Variants in SLA observed in about 807,000 individuals in gnomAD.
The protein encoded by SLA is Src like adaptor, also known as src-like-adapter.
A neutral mutation model predicts 30.3 loss-of-function variants in SLA; 16 were observed. That is an observed-to-expected ratio of 0.53 (90% CI 0.36 to 0.80). The LOEUF (loss-of-function observed/expected upper bound fraction) is 0.80. Among genes scored for constraint, SLA ranks in the 30% least tolerant of loss-of-function variants. The pLI, the probability that SLA is intolerant of heterozygous loss-of-function variation, is 0.01. For synonymous variants in SLA, 143 were observed against 137.8 expected (o/e 1.04, Z -0.26); for missense variants, 310 against 345.2 (o/e 0.90, Z 0.81).
chr8:133,042,512 C>T (rs188669407), intron 7 of SLA, among the ~76,000 whole-genome samples: 1 of 152,006 alleles, frequency 6.6e-6, no homozygotes, highest in Admixed American at 6.6e-5. Flanking sequence ...GGACTAGTGG[C>T]AATCCTGTGA....
intron 2 of SLA, among the ~76,000 whole-genome samples, chr8:133,072,196 A>G (rs1182748069): frequency 6.6e-6 from 1 of 152,222 alleles, no homozygotes; most frequent in African/African-American, 2.4e-5. Flanking sequence ...GCGAAGTGTG[A>G]CTTTGCAAAG....
At chr8:133,078,985 G>A (rs1197863904) in intron 1 of SLA, among the ~76,000 whole-genome samples, 4 of 152,152 alleles carry the variant, frequency 2.6e-5, no homozygotes, top group Non-Finnish European at 4.4e-5. Flanking sequence ...GAAACCTCTA[G>A]GGCTCCTGGT....
chr8:133,086,449 ATTC>A (rs1000307885), intron 1 of SLA, among the ~76,000 whole-genome samples: 2 of 152,238 alleles, frequency 1.3e-5, no homozygotes, highest in African/African-American at 4.8e-5. Flanking sequence ...CAACAAAAAT[ATTC>A]TTCTTTAATA....
chr8:133,082,607 G>C (rs1269623355), intron 1 of SLA, among the ~76,000 whole-genome samples: 4 of 152,162 alleles, frequency 2.6e-5, no homozygotes, highest in African/African-American at 9.7e-5. Context: ...TTTGCGGCTA[G>C]CTTCCCCACG....
intron 1 of SLA, among the ~76,000 whole-genome samples, chr8:133,086,292 C>T (rs1210925719): frequency 6.6e-6 from 1 of 152,158 alleles, no homozygotes; most frequent in Non-Finnish European, 1.5e-5. Context: ...GTGATGATTG[C>T]ACAACTCTGT....
chr8:133,076,858 G>A (rs1470465797), intron 1 of SLA: 1 of 151,698 alleles, frequency 6.6e-6, no homozygotes, highest in Non-Finnish European at 1.5e-5. Context: ...TTGGTGCAAA[G>A]TGTGGGTCAC....
intron 3 of SLA, among the ~76,000 whole-genome samples, chr8:133,052,456 G>A (rs996080760): frequency 6.6e-6 from 1 of 152,188 alleles, no homozygotes. Flanking sequence ...AGAAACAGTC[G>A]TGTCGGGACG....
At chr8:133,096,474 G>A (rs2739180) in intron 1 of SLA, 894,261 of 1,416,874 alleles carry the variant, frequency 0.63, 287,349 homozygotes, top group Middle Eastern at 0.67. Context: ...CAATTGCTGA[G>A]TAACTACTGT....
intron 1 of SLA, among the ~76,000 whole-genome samples, chr8:133,099,666 A>G (rs989101982): frequency 1.3e-5 from 2 of 152,168 alleles, no homozygotes; most frequent in African/African-American, 4.8e-5. Flanking sequence ...AGTCTTCACC[A>G]TCTCAGTAAA....
chr8:133,088,972 C>G (rs1847057255), intron 1 of SLA, among the ~76,000 whole-genome samples: 1 of 152,202 alleles, frequency 6.6e-6, no homozygotes, highest in Non-Finnish European at 1.5e-5. Context: ...CTTTAGCTTC[C>G]AGAGCTCTCT....
At position 133,038,263 on chromosome 8, in the gene SLA, T is replaced by C. The variant is rs1473144283; in HGVS notation, c.*261A>G. The C allele has an allele frequency of 3.3e-5, 17 of 513,366 alleles. No homozygotes were observed. Among genetic ancestry groups the C allele is most frequent in the Non-Finnish European group, 4.9e-5 (14 of 283,192 alleles). 31.8% of individuals were successfully genotyped at this position (513,366 alleles called of 1,614,324 possible). ...CACACACAATGTGTGCATACATACATGCTGGGCTCTTCCAAGCATCGCCCG... is the reference window on the plus strand; with the variant it reads ...CACACACAATGTGTGCATACATACACGCTGGGCTCTTCCAAGCATCGCCCG... On this transcript the variant is annotated 3_prime_UTR_variant, in exon 9 of 9. Coordinates refer to ENST00000338087, the MANE Select transcript of SLA (RefSeq NM_001045556.3).
intron 1 of SLA, chr8:133,094,898 C>A: frequency 1.9e-6 from 2 of 1,048,176 alleles, no homozygotes; most frequent in Non-Finnish European, 3.0e-6. Context: ...TCCTTATCTT[C>A]CCATTGTGTG....
At chr8:133,078,265 G>A (rs970039898) in intron 1 of SLA, among the ~76,000 whole-genome samples, 2 of 152,190 alleles carry the variant, frequency 1.3e-5, no homozygotes, top group African/African-American at 4.8e-5. Context: ...CCTGTGAGCT[G>A]CATCTTAAAG....
At position 133,063,593 on chromosome 8, in the gene SLA, A is replaced by T. The variant is rs1416930809; in HGVS notation, c.-40-3393T>A. ...AAAGAAACGTACCCAGGGTCATGAGATGAGAAAGTTTGAGTCAGTCCTAGA... is the reference window on the plus strand; with the variant it reads ...AAAGAAACGTACCCAGGGTCATGAGTTGAGAAAGTTTGAGTCAGTCCTAGA... On this transcript the variant is annotated intron_variant, in intron 2 of 8. Transcript: ENST00000338087. The T allele has an allele frequency of 2.6e-5, 4 of 151,894 alleles. 1 individual carries two copies. In the South Asian group the frequency reaches 8.3e-4, roughly 32 times the overall value. The allele number at this position is 151,894 out of a possible 1,614,324, so 9.4% of individuals were successfully genotyped here. A position where few individuals can be genotyped will look rare whatever the true frequency, so the allele number is the denominator to read the frequency against.
intron 5 of SLA, 67 bp from the exon 6 acceptor site, chr8:133,048,000 C>T (rs983790638): frequency 4.4e-6 from 4 of 914,724 alleles, no homozygotes; most frequent in Non-Finnish European, 7.1e-6. Flanking sequence ...CAGGAATGCG[C>T]CACCCACCGT....
Position 133,038,294 on chromosome 8 carries a change from T to C in SLA, c.*230A>G. On this transcript the variant is annotated 3_prime_UTR_variant, in exon 9 of 9. Transcript: ENST00000338087. ...GCTCTTCCAAGCATCGCCCGACATG[T>C]CATGATCCAATGTTTCGTGATGCCA... The C allele has an allele frequency of 1.7e-6, 1 of 573,828 alleles. No individual in the cohort carries two copies. The highest frequency in any genetic ancestry group is 3.1e-6 in the Non-Finnish European group (1 of 321,062). The allele number at this position is 573,828 out of a possible 1,614,324, so 35.5% of individuals were successfully genotyped here. A position where few individuals can be genotyped will look rare whatever the true frequency, so the allele number is the denominator to read the frequency against.
At chr8:133,044,680 G>T (rs1265300883) in intron 7 of SLA, among the ~76,000 whole-genome samples, 1 of 152,176 alleles carries the variant, frequency 6.6e-6, no homozygotes, top group African/African-American at 2.4e-5. Context: ...GCTTGAATAT[G>T]TATGGCCCAC....
At chr8:133,071,881 T>C (rs578039872) in intron 2 of SLA, among the ~76,000 whole-genome samples, 2 of 152,312 alleles carry the variant, frequency 1.3e-5, no homozygotes, top group East Asian at 3.9e-4. Context: ...ATGTCTATTA[T>C]ATTCCTCAAT....
chr8:133,075,504 T>A (rs1434526236), intron 1 of SLA, among the ~76,000 whole-genome samples: 1 of 152,230 alleles, frequency 6.6e-6, no homozygotes, highest in South Asian at 2.1e-4. Flanking sequence ...GAATATATAC[T>A]GCACAGTTGA....
Sources: allele counts gnomAD v4.1 joint callset (sites outside exome capture counted in the v4.1 genomes callset), GRCh38; gene constraint gnomAD v4.1.1; transcripts MANE v1.5; gene names NCBI Gene and HGNC (gene_info 2026-07-23, HGNC 2026-07-21).